Variants in HDAC2 observed in about 807,000 individuals in gnomAD.
The protein encoded by HDAC2 is histone deacetylase 2, also known as YY1-associated factor 1.
A neutral mutation model predicts 68.5 loss-of-function variants in HDAC2; 5 were observed. The ratio of observed to expected loss-of-function variants is 0.07; its 90% CI spans 0.04 to 0.15. The LOEUF is 0.15. Ranked by LOEUF, HDAC2 falls within the 10% of genes least tolerant of loss-of-function variation. The pLI, the probability that HDAC2 is intolerant of heterozygous loss-of-function variation, is 1.00. For missense variants in HDAC2, 291 were observed against 600.8 expected, an observed-to-expected ratio of 0.48 and a Z score of 5.39; for synonymous variants, 182 against 191.3, an observed-to-expected ratio of 0.95 and a Z score of 0.40.
At chr6:113,970,163 A>T (rs1402279187) in intron 1 of HDAC2, 1 of 152,182 alleles carries the variant, frequency 6.6e-6, no homozygotes. Context: ...CAGCGAACAA[A>T]GGAGAGGGTT....
In HDAC2 at chr6:113,970,900, G is replaced by A; in HGVS notation, c.9C>T (p.Tyr3=). 6.5e-7 allele frequency: 1 copy of A among 1,548,776 alleles called. No homozygotes were observed. The highest frequency in any genetic ancestry group is 8.7e-7 in the Non-Finnish European group (1 of 1,146,712). MA[Y]SQGGGKKKVC... The stretch of plus-strand genomic sequence containing the variant: ...CTTTTTTTTTGCCGCCTCCTTGACT[G>A]TACGCCATGGGCTCCCCGGCCACCG... The change falls in exon 1 of 14, where the codon TAC becomes TAT. Residue 3 remains tyrosine, a synonymous_variant. Coordinates refer to ENST00000519065, the MANE Select transcript of HDAC2 (RefSeq NM_001527.4).
At chr6:113,950,440 G>A (rs1389053731) in intron 6 of HDAC2, among the ~76,000 whole-genome samples, 2 of 151,500 alleles carry the variant, frequency 1.3e-5, no homozygotes, top group African/African-American at 4.9e-5. Context: ...GAGTGCAGTG[G>A]CATGATCTCG....
chr6:113,940,777 C>A lies in HDAC2; in HGVS notation c.*281G>T. 3.3e-6 allele frequency: 1 copy of A among 299,538 alleles called. No individual in the cohort carries two copies. Among genetic ancestry groups the A allele is most frequent in the Non-Finnish European group, 6.1e-6 (1 of 163,304 alleles). The allele number at this position is 299,538 out of a possible 1,614,324, so 18.6% of individuals were successfully genotyped here. A position where few individuals can be genotyped will look rare whatever the true frequency, so the allele number is the denominator to read the frequency against. ...AGATGGAAAAATCAGCTCAGAAAGG[C>A]CAATTACTTCTTTAATAGATCAGTT... On this transcript the variant is annotated 3_prime_UTR_variant, in exon 14 of 14. Coordinates refer to ENST00000519065, the MANE Select transcript of HDAC2 (RefSeq NM_001527.4).
Position 113,959,584 on chromosome 6 carries a change from T to G in HDAC2, c.165+322A>C, listed in dbSNP as rs146640905. 6.7e-3 allele frequency: 948 copies of G among 140,844 alleles called. 4 individuals are homozygous for G. The highest frequency in any genetic ancestry group is 0.018 in the Middle Eastern group (5 of 274). 8.7% of individuals were successfully genotyped at this position (140,844 alleles called of 1,614,324 possible). On this transcript the variant is annotated intron_variant, in intron 2 of 13. Transcript: ENST00000519065. ...ACTCTTTTCAGCAGCACAGGCAGAT[T>G]AACAATTATTGTAAAAAAAAAAAAA...
chr6:113,959,862 A>T (rs746718029), intron 2 of HDAC2, 44 bp downstream of exon 2: 9 of 826,990 alleles, frequency 1.1e-5, no homozygotes, highest in Admixed American at 9.0e-5. Context: ...CTAAAAAAAA[A>T]TAAAAAAGAT....
At chr6:113,967,974 C>A (rs766783937) in intron 1 of HDAC2, among the ~76,000 whole-genome samples, 1 of 152,162 alleles carries the variant, frequency 6.6e-6, no homozygotes, top group Non-Finnish European at 1.5e-5. Flanking sequence ...CCATCAATGT[C>A]TGAAGGTTCC....
intron 10 of HDAC2, 100 bp downstream of exon 10, chr6:113,945,262 T>C: frequency 2.0e-6 from 1 of 509,990 alleles, no homozygotes; most frequent in Non-Finnish European, 3.5e-6. Flanking sequence ...AAACAAAATA[T>C]CTAATAAAGT....
rs1223222549 is a variant in HDAC2 at position 113,953,448 on chromosome 6, T to C, written c.498-30A>G. ...AAACAAATCCATAAGTTTTGGTTTT[T>C]CCTTTAAAGGTTCTAAGATGGGAAG... On this transcript the variant is annotated intron_variant, in intron 5 of 13. Transcript: ENST00000519065. 3.5e-6 allele frequency: 5 copies of C among 1,441,236 alleles called. No homozygotes were observed. In the African/African-American group the frequency reaches 5.7e-5, roughly 16 times the overall value. The allele number at this position is 1,441,236 out of a possible 1,614,324, so 89.3% of individuals were successfully genotyped here.
In HDAC2 at chr6:113,949,260, C is replaced by G; in HGVS notation, c.640G>C (p.Asp214His). The change falls in exon 7 of 14, where the codon GAT becomes CAT. Residue 214 changes from aspartate to histidine, a missense_variant and splice_region_variant. Asp to His is a moderately conservative substitution (Grantham distance 81, BLOSUM62 -1). Transcript: ENST00000519065. The stretch of plus-strand genomic sequence containing the variant: ...TATTTGCCTTTTCCAGCACCAATAT[C>G]CTAAAATACATAATTAAACTGATCT... The part of the protein sequence containing the change: ...EYFPGTGDLR[D>H]IGAGKGKYYA... The G allele has an allele frequency of 6.5e-7, 1 of 1,531,570 alleles. No individual in the cohort carries two copies. The highest frequency in any genetic ancestry group is 1.7e-5 in the Admixed American group (1 of 59,908). 94.9% of individuals were successfully genotyped at this position (1,531,570 alleles called of 1,614,324 possible). A position where few individuals can be genotyped will look rare whatever the true frequency, so the allele number is the denominator to read the frequency against.
rs150909729 is a variant in HDAC2, at chr6:113,969,647, A to G, written c.52+1210T>C. 162 of 152,362 alleles carry G rather than the reference A, an allele frequency of 1.1e-3. 1 individual carries two copies. The highest frequency in any genetic ancestry group is 3.7e-3 in the African/African-American group (154 of 41,584). 9.4% of individuals were successfully genotyped at this position (152,362 alleles called of 1,614,324 possible). On this transcript the variant is annotated intron_variant, in intron 1 of 13. Transcript: ENST00000519065. ...TTTACCAAGCCTTTGTGAAATCTGT[A>G]TAACAGGTTACTACTCCATTGAGCA...
At chr6:113,945,340 A>G (rs1333726723) in intron 10 of HDAC2, 22 bp downstream of exon 10, 1 of 1,103,442 alleles carries the variant, frequency 9.1e-7, no homozygotes, top group Non-Finnish European at 1.4e-6. Context: ...ATGTTTATCA[A>G]AACAATTCAA....
chr6:113,945,283 C>A, intron 10 of HDAC2, 79 bp downstream of exon 10: 1 of 602,770 alleles, frequency 1.7e-6, no homozygotes, highest in South Asian at 2.4e-5. Context: ...TAAAAAGACC[C>A]ATCATACTTG....
intron 1 of HDAC2, among the ~76,000 whole-genome samples, chr6:113,963,477 G>A (rs982832625): frequency 7.2e-5 from 11 of 151,982 alleles, no homozygotes; most frequent in Non-Finnish European, 1.5e-4. Context: ...TAATAATTTG[G>A]GCATTTTAAA....
chr6:113,943,499 T>C lies in HDAC2; in HGVS notation c.1230A>G (p.Ala410=), dbSNP rs1224153651. ...EDPDKRISIR[A]SDKRIACDEE... ...CATCACAAGCTATCCGCTTGTCTGA[T>C]GCTCGAACTGCACAGAATATTTTAA... The change falls in exon 12 of 14, where the codon GCA becomes GCG. Residue 410 remains alanine (A), a synonymous_variant. Transcript: ENST00000519065. 1.9e-6 allele frequency: 3 copies of C among 1,599,904 alleles called. No individual in the cohort carries two copies. Among genetic ancestry groups the C allele is most frequent in the African/African-American group, 1.3e-5 (1 of 74,262 alleles).
At chr6:113,946,222 A>T (rs1776260784) in intron 8 of HDAC2, 74 bp from the exon 9 acceptor site, 1 of 1,235,370 alleles carries the variant, frequency 8.1e-7, no homozygotes, top group Non-Finnish European at 1.1e-6. Context: ...TTAAAAAGAT[A>T]ATAAGTGCAA....
At chr6:113,967,778 G>GATAGTCACT (rs1562151359) in intron 1 of HDAC2, among the ~76,000 whole-genome samples, 1 of 152,194 alleles carries the variant, frequency 6.6e-6, no homozygotes. Flanking sequence ...TTAAGGCCCA[G>GATAGTCACT]AAGGGATCTT....
chr6:113,944,520 T>C (rs1385776820), intron 10 of HDAC2, 110 bp from the exon 11 acceptor site: 3 of 875,974 alleles, frequency 3.4e-6, no homozygotes, highest in Non-Finnish European at 5.4e-6. Flanking sequence ...GCTAAACCTA[T>C]ATATTAAAAG....
At chr6:113,953,687 T>C (rs763750853) in intron 5 of HDAC2, among the ~76,000 whole-genome samples, 76 of 152,212 alleles carry the variant, frequency 5.0e-4, no homozygotes, top group Non-Finnish European at 8.8e-4. Context: ...ATAGCACATA[T>C]TTCTAATATA....
chr6:113,947,526 C>T (rs886991190), intron 8 of HDAC2: 1 of 152,060 alleles, frequency 6.6e-6, no homozygotes, highest in Non-Finnish European at 1.5e-5. Context: ...GAGTGAACTG[C>T]TGCAGTTTAT....
Sources: gnomAD v4.1 joint callset for allele counts (sites outside exome capture counted in the v4.1 genomes callset) on GRCh38, gnomAD v4.1.1 for gene constraint, MANE v1.5 for transcripts, NCBI Gene and HGNC (gene_info 2026-07-23, HGNC 2026-07-21) for gene names.